GPALPP1: variants seen among roughly 807,000 people sequenced by gnomAD.
The protein encoded by GPALPP1 is GPALPP motifs containing 1.
GPALPP1 carries 30 observed loss-of-function variants against 38.9 expected under a neutral mutation model. The ratio of observed to expected loss-of-function variants is 0.77; its 90% CI spans 0.58 to 1.05. The LOEUF (loss-of-function observed/expected upper bound fraction) is 1.05, where lower values mean the gene tolerates loss of function less well. GPALPP1 is among the 50% of genes least tolerant of loss of function. GPALPP1 has a pLI of 0.00. For synonymous variants in GPALPP1, 120 were observed against 139.2 expected (o/e 0.86, Z 0.97); for missense variants, 384 against 408.8 (o/e 0.94, Z 0.52).
chr13:45,021,407 T>C (rs1593405179), intron 7 of GPALPP1, among the ~76,000 whole-genome samples: 1 of 152,252 alleles, frequency 6.6e-6, no homozygotes, highest in Middle Eastern at 3.4e-3. Context: ...AGAAGTCAAA[T>C]ATCAACAAAA....
chr13:45,019,705 A>G (rs1237631578), intron 6 of GPALPP1, among the ~76,000 whole-genome samples: 2 of 143,548 alleles, frequency 1.4e-5, no homozygotes, highest in African/African-American at 5.2e-5. Flanking sequence ...ACAGTAATGT[A>G]GGATATCTTT....
Position 45,006,303 on chromosome 13 carries a change from G to A in GPALPP1, c.323G>A (p.Arg108Lys). Reference protein sequence around the residue: ...GFKKQDDSPPRPIIGPALPPG... With the variant: ...GFKKQDDSPPKPIIGPALPPG... ...AAAAAGCAGGATGATTCTCCTCCAA[G>A]GTGATAATGTGTAATATTTTAGGCC... The change falls in exon 3 of 8, where the codon AGG (arginine) becomes AAG (lysine). Residue 108 changes from arginine to lysine, a missense_variant and splice_region_variant. Coordinates refer to ENST00000379151, the MANE Select transcript of GPALPP1 (RefSeq NM_018559.5). The A allele has an allele frequency of 2.0e-6, 3 of 1,492,764 alleles. No homozygotes were observed. Among genetic ancestry groups the A allele is most frequent in the Non-Finnish European group, 2.8e-6 (3 of 1,074,884 alleles). The allele number at this position is 1,492,764 out of a possible 1,614,324, so 92.5% of individuals were successfully genotyped here.
chr13:44,998,059 C>T (rs912016989), intron 1 of GPALPP1, among the ~76,000 whole-genome samples: 1 of 152,198 alleles, frequency 6.6e-6, no homozygotes, highest in African/African-American at 2.4e-5. Context: ...CCCTTTCTTT[C>T]TAAAACTTTT....
At chr13:44,992,801 C>T (rs1397982297) in intron 1 of GPALPP1, among the ~76,000 whole-genome samples, 1 of 152,118 alleles carries the variant, frequency 6.6e-6, no homozygotes, top group Non-Finnish European at 1.5e-5. Flanking sequence ...AAAATATACA[C>T]ATCTGTCATA....
At chr13:44,995,451 A>G (rs895959723) in intron 1 of GPALPP1, among the ~76,000 whole-genome samples, 12 of 151,898 alleles carry the variant, frequency 7.9e-5, no homozygotes, top group Non-Finnish European at 1.2e-4. Context: ...TTGTTTAATG[A>G]TTCCCAGTGA....
intron 6 of GPALPP1, among the ~76,000 whole-genome samples, chr13:45,019,879 A>ATTTTTTTTTTTTTTTTTTTTTTTTTTTT (rs34893767): frequency 1.2e-5 from 1 of 85,570 alleles, no homozygotes; most frequent in Non-Finnish European, 2.0e-5. Context: ...TAATATTTTG[A>ATTTTTTTTTTTTTTTTTTTTTTTTTTTT]TTTTTTTTTT....
At chr13:45,023,953 C>T (rs1875594954) in intron 7 of GPALPP1, among the ~76,000 whole-genome samples, 1 of 152,084 alleles carries the variant, frequency 6.6e-6, no homozygotes, top group African/African-American at 2.4e-5. Flanking sequence ...AAGAATGATC[C>T]ACAAGTAGGT....
downstream of GPALPP1, among the ~76,000 whole-genome samples, chr13:45,032,308 T>G (rs902538497): frequency 3.3e-5 from 5 of 151,708 alleles, no homozygotes; most frequent in Non-Finnish European, 7.4e-5. Flanking sequence ...GATCTAAGAG[T>G]TTTTAGATGC....
chr13:45,027,064 C>G (rs1433428248), intron 7 of GPALPP1, among the ~76,000 whole-genome samples: 1 of 152,150 alleles, frequency 6.6e-6, no homozygotes, highest in Non-Finnish European at 1.5e-5. Flanking sequence ...AGACTCTACT[C>G]TCTGTAGCAC....
Position 45,010,398 on chromosome 13 carries a change from G to A in GPALPP1, c.408+1519G>A, listed in dbSNP as rs147068332. Among the ~76,000 whole-genome samples, 29 of 151,898 alleles carry A rather than the reference G, an allele frequency of 1.9e-4. 1 individual carries two copies. Among genetic ancestry groups the A allele is most frequent in the African/African-American group, 6.3e-4 (26 of 41,410 alleles). ...TTTCCCCATAGTATTTATTACCACC[G>A]AAGATACTATTAATTTTACTGCTTC... On this transcript the variant is annotated intron_variant, in intron 4 of 7. Transcript: ENST00000379151.
At chr13:45,027,753 A>G (rs1323658880) in intron 7 of GPALPP1, 32 bp from the exon 8 acceptor site, 2 of 989,482 alleles carry the variant, frequency 2.0e-6, no homozygotes, top group Non-Finnish European at 3.2e-6. Flanking sequence ...TACAAACTAT[A>G]GTTTTTATTT....
At chr13:45,006,334 T>C (rs1429334812) in intron 3 of GPALPP1, 31 bp downstream of exon 3, 3 of 1,055,616 alleles carry the variant, frequency 2.8e-6, no homozygotes, top group Non-Finnish European at 4.2e-6. Context: ...AGGCCAGTCT[T>C]TCTTTAAATA....
intron 1 of GPALPP1, 27 bp downstream of exon 1, chr13:44,989,769 C>CCAGGCCCAT: frequency 6.5e-7 from 1 of 1,536,358 alleles, no homozygotes; most frequent in Non-Finnish European, 8.9e-7. Flanking sequence ...CCGCTGCCCA[C>CCAGGCCCAT]CAGGCCCATC....
intron 7 of GPALPP1, among the ~76,000 whole-genome samples, chr13:45,026,763 T>G (rs908204121): frequency 2.6e-5 from 4 of 152,174 alleles, no homozygotes; most frequent in African/African-American, 9.7e-5. Flanking sequence ...TTAGGAGAAA[T>G]GTGTTTCAGA....
At chr13:45,005,086 C>CTTTTTTTTTTTTTTTTTTTT (rs71759613) in intron 2 of GPALPP1, 2 of 57,532 alleles carry the variant, frequency 3.5e-5, no homozygotes, top group East Asian at 6.1e-4. Flanking sequence ...TAATGGTTTT[C>CTTTTTTTTTTTTTTTTTTTT]TTTTTTTTTT....
chr13:45,029,100 A>C lies in GPALPP1; in HGVS notation c.*1097A>C, dbSNP rs1566086686. On this transcript the variant is annotated 3_prime_UTR_variant, in exon 8 of 8. Transcript: ENST00000379151. ...AAGAGAAGAAAAGAAATTACATAAA[A>C]GCTGAGGTTGCTTCTTAATATCTTT... 1 of 152,090 alleles carries C rather than the reference A, an allele frequency of 6.6e-6. No homozygotes were observed. Among genetic ancestry groups the C allele is most frequent in the Non-Finnish European group, 1.5e-5 (1 of 68,000 alleles). 9.4% of individuals were successfully genotyped at this position (152,090 alleles called of 1,614,324 possible).
At chr13:45,009,477 A>G (rs1874327742) in intron 4 of GPALPP1, among the ~76,000 whole-genome samples, 1 of 152,160 alleles carries the variant, frequency 6.6e-6, no homozygotes. Context: ...CATGAAATAG[A>G]TATTATCTGC....
chr13:45,014,851 T>G (rs1874720698), intron 4 of GPALPP1, 101 bp from the exon 5 acceptor site: 2 of 974,214 alleles, frequency 2.1e-6, no homozygotes, highest in Non-Finnish European at 2.9e-6. Context: ...TTTTTTATTT[T>G]TTATGGATAA....
At chr13:45,036,780 T>A (rs1228521709) in exon 8 of GPALPP1, 1 of 151,930 alleles carries the variant, frequency 6.6e-6, no homozygotes, top group Non-Finnish European at 1.5e-5. Context: ...ACCCTGTCTC[T>A]ACAAAAAAAT....
Sources: allele counts gnomAD v4.1 joint callset (sites outside exome capture counted in the v4.1 genomes callset), GRCh38; gene constraint gnomAD v4.1.1; transcripts MANE v1.5; gene names NCBI Gene and HGNC (gene_info 2026-07-23, HGNC 2026-07-21).